The following NBPF14 variants were observed in gnomAD, a reference collection of about 807,000 sequenced individuals.
The protein encoded by NBPF14 is NBPF member 14, also known as NBPF family member NBPF14.
In NBPF14, 104 loss-of-function variants were observed where a neutral mutation model predicts 91.2. The ratio of observed to expected loss-of-function variants is 1.14; its 90% CI spans 0.97 to 1.34. NBPF14 has a LOEUF of 1.34. NBPF14 is among the 40% of genes most tolerant of loss of function. NBPF14 has a pLI of 0.00. For synonymous variants in NBPF14, 294 were observed against 303.8 expected (o/e 0.97, Z 0.34); for missense variants, 908 against 783.0 (o/e 1.16, Z -1.91).
chr1:148,577,352 G>A (rs1396157508), exon 15 of NBPF14: 1 of 628,104 alleles, frequency 1.6e-6, no homozygotes, highest in Non-Finnish European at 2.8e-6. Context: ...GCTCCCTGCT[G>A]AGCCTGGAAA....
chr1:148,580,750 T>C (rs1326692952), intron 12 of NBPF14, among the ~76,000 whole-genome samples: 6 of 59,678 alleles, frequency 1.0e-4, no homozygotes, highest in Non-Finnish European at 1.2e-4. Context: ...AGCAGATCTC[T>C]TGGCACAAAC....
intron 70 of NBPF14, 46 bp downstream of exon 70, chr1:148,533,815 C>T (rs1464305304): frequency 9.2e-5 from 71 of 768,652 alleles, no homozygotes; most frequent in East Asian, 1.5e-4. Context: ...TCTGTTGCCT[C>T]CAGGAGTTAA....
chr1:148,576,245 A>T (rs1659699530), intron 16 of NBPF14, among the ~76,000 whole-genome samples, 165 bp downstream of exon 16: 1 of 124,628 alleles, frequency 8.0e-6, no homozygotes, highest in Admixed American at 7.5e-5. Flanking sequence ...GGGGAGGAAG[A>T]AATGGAAACC....
At chr1:148,576,050 G>T (rs1263040606) in intron 16 of NBPF14, among the ~76,000 whole-genome samples, 1 of 146,550 alleles carries the variant, frequency 6.8e-6, no homozygotes, top group Admixed American at 6.7e-5. Context: ...TCAGCGAATT[G>T]GCCGGGTGAC....
Position 148,533,973 on chromosome 1 carries a change from C to T in NBPF14, c.8615-4G>A. The T allele has an allele frequency of 2.8e-6, 2 of 706,054 alleles. No individual in the cohort carries two copies. Among genetic ancestry groups the T allele is most frequent in the Non-Finnish European group, 5.1e-6 (2 of 389,100 alleles). 43.7% of individuals were successfully genotyped at this position (706,054 alleles called of 1,614,324 possible). Reference sequence around the variant, plus strand: ...CCCTTCCCCTTCTTTTCAATTTCTGCAATAAATTCAGACATGGACAGACAC... The same window carrying T: ...CCCTTCCCCTTCTTTTCAATTTCTGTAATAAATTCAGACATGGACAGACAC... On this transcript the variant is annotated splice_polypyrimidine_tract_variant and splice_region_variant and intron_variant, in intron 69 of 70. Transcript: ENST00000619423.
intron 13 of NBPF14, among the ~76,000 whole-genome samples, chr1:148,578,814 G>T (rs1359464590): frequency 6.7e-6 from 1 of 149,836 alleles, no homozygotes; most frequent in African/African-American, 2.4e-5. Flanking sequence ...TGCCACACCT[G>T]CCTTGAGTTC....
At chr1:148,536,040 T>G (rs1453928739) in intron 67 of NBPF14, among the ~76,000 whole-genome samples, 184 bp downstream of exon 67, 5 of 150,014 alleles carry the variant, frequency 3.3e-5, no homozygotes, top group African/African-American at 1.2e-4. Flanking sequence ...AGAGCCTTGC[T>G]CACTGACCCA....
intron 68 of NBPF14, among the ~76,000 whole-genome samples, chr1:148,535,204 T>A (rs1250817702): frequency 1.3e-5 from 2 of 149,686 alleles, no homozygotes; most frequent in South Asian, 2.1e-4. Flanking sequence ...TTCCATAAAC[T>A]TGCTCAAGAT....
chr1:148,593,981 G>A (rs1263652532), intron 2 of NBPF14, among the ~76,000 whole-genome samples: 8 of 149,520 alleles, frequency 5.4e-5, no homozygotes, highest in Admixed American at 4.0e-4. Flanking sequence ...AGCCCCTGAG[G>A]TCTGACTCTG....
At chr1:148,595,829 G>T in intron 1 of NBPF14, 26 bp downstream of exon 1, 1 of 626,232 alleles carries the variant, frequency 1.6e-6, no homozygotes, top group Non-Finnish European at 2.8e-6. Flanking sequence ...ACTGAGGGAT[G>T]TCAGTAACTG....
At chr1:148,573,080 A>G in intron 20 of NBPF14, 150 bp downstream of exon 20, 3 of 71,122 alleles carry the variant, frequency 4.2e-5, no homozygotes, top group Non-Finnish European at 7.0e-5. Context: ...GGAAACCTAA[A>G]CATCTACTGC....
chr1:148,535,077 G>A (rs1356504937), intron 68 of NBPF14, among the ~76,000 whole-genome samples: 1 of 146,500 alleles, frequency 6.8e-6, no homozygotes, highest in Non-Finnish European at 1.5e-5. Flanking sequence ...AGAGGAGAAA[G>A]TGAGCTCAGC....
At chr1:148,561,816 C>A (rs1338654914) in intron 34 of NBPF14, among the ~76,000 whole-genome samples, 2 of 129,794 alleles carry the variant, frequency 1.5e-5, no homozygotes, top group Non-Finnish European at 1.6e-5. Context: ...CACACACACA[C>A]ACAGAGAGAG....
chr1:148,566,405 G>A, intron 28 of NBPF14, 90 bp from the exon 29 acceptor site: 2 of 627,238 alleles, frequency 3.2e-6, no homozygotes, highest in Non-Finnish European at 5.7e-6. Context: ...ATAGGGAAGT[G>A]GTTAAAAAAC....
At chr1:148,594,779 C>T (rs2149590228) in intron 2 of NBPF14, among the ~76,000 whole-genome samples, 1 of 82,982 alleles carries the variant, frequency 1.2e-5, no homozygotes, top group South Asian at 4.6e-4. Flanking sequence ...CTCACTGCAA[C>T]ATCTGCCTGC....
chr1:148,581,534 A>G (rs1184268643), intron 12 of NBPF14, among the ~76,000 whole-genome samples: 40 of 151,904 alleles, frequency 2.6e-4, no homozygotes, highest in Admixed American at 2.0e-4. Context: ...ATTCTGAAAG[A>G]AAAGAATTTT....
intron 4 of NBPF14, among the ~76,000 whole-genome samples, chr1:148,592,083 GT>G (rs1662593890): frequency 7.7e-6 from 1 of 129,122 alleles, no homozygotes; most frequent in Non-Finnish European, 1.7e-5. Flanking sequence ...AAAAGCATTC[GT>G]AAGTGTTCCC....
In NBPF14 at chr1:148,559,779, A is replaced by G; in HGVS notation, c.4729+14T>C. ...CTCAGTGGATCCTTATCACCTTCAT[A>G]GAAAGGTACTCACCATCCATGTCAA... On this transcript the variant is annotated intron_variant, in intron 37 of 70. Transcript: ENST00000619423. 2.1e-6 allele frequency: 3 copies of G among 1,443,914 alleles called. No individual in the cohort carries two copies. Among genetic ancestry groups the G allele is most frequent in the Admixed American group, 1.8e-5 (1 of 55,622 alleles). The allele number at this position is 1,443,914 out of a possible 1,614,324, so 89.4% of individuals were successfully genotyped here.
Position 148,572,633 on chromosome 1 carries a change from A to T in NBPF14, c.2586-18T>A, listed in dbSNP as rs1480016286. 22 of 598,568 alleles carry T rather than the reference A, an allele frequency of 3.7e-5. 5 individuals carry two copies. The highest frequency in any genetic ancestry group is 1.7e-4 in the East Asian group (6 of 35,262). 37.1% of individuals were successfully genotyped at this position (598,568 alleles called of 1,614,324 possible). A position where few individuals can be genotyped will look rare whatever the true frequency, so the allele number is the denominator to read the frequency against. ...TGCTGAGCCTGGAAAAGTGGGAAAA[A>T]GTAAAGAATAAGCCAGGGGGAATCA... On this transcript the variant is annotated intron_variant, in intron 20 of 70. Coordinates refer to ENST00000619423, the Ensembl canonical transcript of NBPF14.
Sources: gnomAD v4.1 joint callset for allele counts (sites outside exome capture counted in the v4.1 genomes callset) on GRCh38, gnomAD v4.1.1 for gene constraint, MANE v1.5 for transcripts, NCBI Gene and HGNC (gene_info 2026-07-23, HGNC 2026-07-21) for gene names.